TCF7L2: variants seen among roughly 807,000 people sequenced by gnomAD.
TCF7L2 encodes transcription factor 7-like 2.
In TCF7L2, 23 loss-of-function variants were observed where a neutral mutation model predicts 77.9. The ratio of observed to expected loss-of-function variants is 0.30; its 90% CI spans 0.21 to 0.42. The LOEUF (loss-of-function observed/expected upper bound fraction) is 0.42, where lower values mean the gene tolerates loss of function less well. Among genes scored for constraint, TCF7L2 ranks in the 10% least tolerant of loss-of-function variants. The probability of loss-of-function intolerance (pLI) is 1.00; values close to 1 mark genes in which losing one functional copy is unlikely to be tolerated. For synonymous variants in TCF7L2, 413 were observed against 340.2 expected, an observed-to-expected ratio of 1.21 and a Z score of -2.36; for missense variants, 654 against 793.1, an observed-to-expected ratio of 0.82 and a Z score of 2.11.
At chr10:112,980,442 T>A (rs924355303) in intron 4 of TCF7L2, among the ~76,000 whole-genome samples, 2 of 152,132 alleles carry the variant, frequency 1.3e-5, no homozygotes, top group South Asian at 2.1e-4. Context: ...AATGAAATGG[T>A]GAGTTATCTA....
chr10:112,991,366 T>G (rs2042497455), intron 4 of TCF7L2, among the ~76,000 whole-genome samples: 1 of 151,686 alleles, frequency 6.6e-6, no homozygotes, highest in Non-Finnish European at 1.5e-5. Context: ...CGTCTCTATG[T>G]GCGTGGTGGC....
At chr10:113,032,749 G>A (rs2050465918) in intron 4 of TCF7L2, among the ~76,000 whole-genome samples, 1 of 152,118 alleles carries the variant, frequency 6.6e-6, no homozygotes, top group South Asian at 2.1e-4. Context: ...TGCTCTGTTG[G>A]CCTTAGTTTC....
chr10:112,981,882 G>A (rs1052995046), intron 4 of TCF7L2, among the ~76,000 whole-genome samples: 1 of 152,124 alleles, frequency 6.6e-6, no homozygotes, highest in Non-Finnish European at 1.5e-5. Flanking sequence ...ACTCCTGGTC[G>A]GTGGAAGTCT....
At chr10:113,015,922 G>A (rs575103365) in intron 4 of TCF7L2, among the ~76,000 whole-genome samples, 1 of 152,206 alleles carries the variant, frequency 6.6e-6, no homozygotes, top group South Asian at 2.1e-4. Flanking sequence ...CAGAGCAGGG[G>A]TTTCCTTACC....
At chr10:113,161,918 C>A (rs1277489622) in intron 13 of TCF7L2, among the ~76,000 whole-genome samples, 1 of 152,166 alleles carries the variant, frequency 6.6e-6, no homozygotes, top group Non-Finnish European at 1.5e-5. Flanking sequence ...GAGTTGAACA[C>A]CCGGCAGGAG....
intron 4 of TCF7L2, among the ~76,000 whole-genome samples, chr10:112,971,021 T>G (rs892151848): frequency 2.0e-5 from 3 of 152,220 alleles, no homozygotes; most frequent in Non-Finnish European, 4.4e-5. Context: ...ATTGACTTGC[T>G]ATGGTGATGA....
intron 5 of TCF7L2, among the ~76,000 whole-genome samples, chr10:113,056,860 A>G (rs980730283): frequency 6.6e-6 from 1 of 152,234 alleles, no homozygotes; most frequent in Admixed American, 6.5e-5. Context: ...CCTGGTGGGT[A>G]GCTGAGGGCG....
At chr10:113,039,377 A>G (rs566048610) in intron 4 of TCF7L2, among the ~76,000 whole-genome samples, 1 of 152,332 alleles carries the variant, frequency 6.6e-6, no homozygotes, top group Admixed American at 6.5e-5. Flanking sequence ...TGTGCATACT[A>G]AAGCATTCCT....
At chr10:113,070,768 A>T (rs145269955) in intron 5 of TCF7L2, among the ~76,000 whole-genome samples, 112 of 152,334 alleles carry the variant, frequency 7.4e-4, no homozygotes, top group African/African-American at 2.4e-3. Context: ...CTTCTTAAAA[A>T]ATTATACAGT....
At chr10:112,973,796 G>C (rs1188797459) in intron 4 of TCF7L2, among the ~76,000 whole-genome samples, 1 of 152,026 alleles carries the variant, frequency 6.6e-6, no homozygotes, top group Non-Finnish European at 1.5e-5. Flanking sequence ...TCACCATGTT[G>C]GCCAGGCTGG....
At chr10:113,161,718 T>C in intron 13 of TCF7L2, 3 of 1,155,526 alleles carry the variant, frequency 2.6e-6, no homozygotes, top group Non-Finnish European at 3.7e-6. Flanking sequence ...AGATCAGATG[T>C]GCATCCCATT....
chr10:113,149,539 T>G (rs1195984542), intron 8 of TCF7L2, among the ~76,000 whole-genome samples: 1 of 152,240 alleles, frequency 6.6e-6, no homozygotes, highest in East Asian at 1.9e-4. Flanking sequence ...AGTACTTTAA[T>G]CATTTTATTA....
intron 5 of TCF7L2, among the ~76,000 whole-genome samples, chr10:113,117,459 TCTC>T (rs1179207730): frequency 1.3e-4 from 14 of 104,110 alleles, no homozygotes; most frequent in African/African-American, 5.0e-4. Context: ...CTCTCTCTCT[TCTC>T]CCCCCAACAA....
chr10:113,134,850 G>A (rs928007097), intron 5 of TCF7L2, among the ~76,000 whole-genome samples: 4 of 152,194 alleles, frequency 2.6e-5, no homozygotes, highest in Admixed American at 6.5e-5. Flanking sequence ...AGGGGAAAAG[G>A]CTGACAAATG....
chr10:113,053,413 G>A (rs1427546316), intron 5 of TCF7L2, among the ~76,000 whole-genome samples: 1 of 152,146 alleles, frequency 6.6e-6, no homozygotes, highest in Non-Finnish European at 1.5e-5. Context: ...GTGGATTGTC[G>A]GGATCCTGCT....
chr10:112,963,699 T>C (rs1168190411), intron 3 of TCF7L2, among the ~76,000 whole-genome samples: 2 of 152,204 alleles, frequency 1.3e-5, no homozygotes, highest in African/African-American at 4.8e-5. Context: ...AAGTATTACT[T>C]GGGAAGATGA....
intron 11 of TCF7L2, among the ~76,000 whole-genome samples, chr10:113,154,092 C>T (rs891528169): frequency 6.6e-5 from 10 of 152,200 alleles, no homozygotes; most frequent in Non-Finnish European, 1.2e-4. Flanking sequence ...TGGGCTTGCA[C>T]GGGGTCTCCA....
chr10:113,038,541 C>G lies in TCF7L2; in HGVS notation c.451-1484C>G, dbSNP rs140593890. Among the ~76,000 whole-genome samples, 566 of 152,324 alleles carry G rather than the reference C, an allele frequency of 3.7e-3. 2 individuals are homozygous for G. Among genetic ancestry groups the G allele is most frequent in the African/African-American group, 0.013 (541 of 41,572 alleles). ...ATCTTCGAGGAACTCCGTCGGCTGG[C>G]TTGTGGATGGCTTTGGCACTTCTGT... On this transcript the variant is annotated intron_variant, in intron 4 of 13. Transcript: ENST00000627217.
intron 5 of TCF7L2, among the ~76,000 whole-genome samples, chr10:113,077,125 G>C: frequency 6.6e-6 from 1 of 152,116 alleles, no homozygotes. Context: ...TCTTCCCTGA[G>C]TCCTGCAGGA....
Sources: allele counts gnomAD v4.1 joint callset (sites outside exome capture counted in the v4.1 genomes callset), GRCh38; gene constraint gnomAD v4.1.1; transcripts MANE v1.5; gene names NCBI Gene and HGNC (gene_info 2026-07-23, HGNC 2026-07-21).